The following IL12RB2 variants were observed in gnomAD, a reference collection of about 807,000 sequenced individuals.
The protein encoded by IL12RB2 is interleukin-12 receptor subunit beta-2.
A neutral mutation model predicts 89.4 loss-of-function variants in IL12RB2; 82 were observed. The ratio of observed to expected loss-of-function variants is 0.92; its 90% confidence interval spans 0.77 to 1.10. IL12RB2 has a LOEUF of 1.10. Among genes scored for constraint, IL12RB2 ranks in the 50% least tolerant of loss-of-function variants. IL12RB2 has a pLI of 0.00. For missense variants in IL12RB2, 963 were observed against 1,031.9 expected, an observed-to-expected ratio of 0.93 and a Z score of 0.92; for synonymous variants, 368 against 370.1, an observed-to-expected ratio of 0.99 and a Z score of 0.07.
intron 15 of IL12RB2, among the ~76,000 whole-genome samples, chr1:67,388,230 A>T (rs1570210641): frequency 1.3e-5 from 2 of 152,194 alleles, no homozygotes; most frequent in Admixed American, 6.5e-5. Context: ...AAACTGTGGT[A>T]CTTCAGCCAA....
intron 16 of IL12RB2, among the ~76,000 whole-genome samples, chr1:67,391,386 T>TACACAC (rs1491258426): frequency 7.5e-6 from 1 of 133,742 alleles, no homozygotes; most frequent in East Asian, 2.4e-4. Context: ...TGTGTGTGTC[T>TACACAC]ATACACACAC....
At chr1:67,395,501 G>A in intron 16 of IL12RB2, 46 bp from the exon 17 acceptor site, 1 of 1,613,940 alleles carries the variant, frequency 6.2e-7, no homozygotes, top group Non-Finnish European at 8.5e-7. Context: ...GGTTGTGAAG[G>A]TCACTTCTAC....
At chr1:67,345,278 C>A (rs187330443) in intron 9 of IL12RB2, among the ~76,000 whole-genome samples, 308 of 152,336 alleles carry the variant, frequency 2.0e-3, no homozygotes, top group African/African-American at 7.1e-3. Flanking sequence ...TACCCTCAAA[C>A]CACAGAAGAT....
intron 13 of IL12RB2, among the ~76,000 whole-genome samples, chr1:67,376,078 C>G (rs1177068425): frequency 6.6e-6 from 1 of 152,070 alleles, no homozygotes; most frequent in Non-Finnish European, 1.5e-5. Flanking sequence ...AATCTCCTGA[C>G]CTCGTGATCT....
chr1:67,366,472 A>G (rs1302457719), intron 10 of IL12RB2, among the ~76,000 whole-genome samples: 3 of 150,534 alleles, frequency 2.0e-5, no homozygotes, highest in Non-Finnish European at 4.4e-5. Context: ...AAAAAAAAAA[A>G]AAGAAGAGAA....
At chr1:67,321,048 G>A (rs749638711) in intron 3 of IL12RB2, among the ~76,000 whole-genome samples, 3 of 150,898 alleles carry the variant, frequency 2.0e-5, no homozygotes, top group Non-Finnish European at 2.9e-5. Flanking sequence ...CCTGCCTCCC[G>A]CCGTCCACAA....
At chr1:67,352,617 T>TA (rs1660968267) in intron 10 of IL12RB2, among the ~76,000 whole-genome samples, 1 of 152,172 alleles carries the variant, frequency 6.6e-6, no homozygotes, top group East Asian at 1.9e-4. Flanking sequence ...GTTCCCTTGC[T>TA]AAAAAAAGAT....
chr1:67,330,277 A>ATTTTTT (rs1558307815), intron 7 of IL12RB2, among the ~76,000 whole-genome samples: 54 of 139,532 alleles, frequency 3.9e-4, no homozygotes, highest in East Asian at 2.1e-3. Context: ...TTTTTTTAAA[A>ATTTTTT]AAAAAAAAAG....
At chr1:67,360,418 A>T (rs895392448) in intron 10 of IL12RB2, among the ~76,000 whole-genome samples, 1 of 149,462 alleles carries the variant, frequency 6.7e-6, no homozygotes. Flanking sequence ...AAAAAAAAGG[A>T]GATTGACCAG....
intron 14 of IL12RB2, among the ~76,000 whole-genome samples, chr1:67,386,208 C>CAAAAAAAA (rs755471388): frequency 5.5e-5 from 3 of 54,552 alleles, no homozygotes; most frequent in East Asian, 7.0e-4. Flanking sequence ...GACTCCATCT[C>CAAAAAAAA]AAAAAAAAAA....
chr1:67,314,523 A>G (rs1016669442), intron 2 of IL12RB2, among the ~76,000 whole-genome samples: 2 of 152,208 alleles, frequency 1.3e-5, no homozygotes, highest in African/African-American at 2.4e-5. Flanking sequence ...TCTCACAGTC[A>G]ATAGCATATA....
At chr1:67,378,474 G>A (rs1436927933) in intron 13 of IL12RB2, among the ~76,000 whole-genome samples, 2 of 152,144 alleles carry the variant, frequency 1.3e-5, no homozygotes, top group African/African-American at 4.8e-5. Flanking sequence ...AGTTTTTAAT[G>A]ATTTTATGTC....
At chr1:67,390,168 A>G (rs773699860) in intron 16 of IL12RB2, 40 bp downstream of exon 16, 1 of 877,616 alleles carries the variant, frequency 1.1e-6, no homozygotes, top group Non-Finnish European at 2.0e-6. Flanking sequence ...GTGGAGTTCT[A>G]GTGATCACCA....
chr1:67,331,792 T>C (rs1245970412), intron 8 of IL12RB2, among the ~76,000 whole-genome samples: 1 of 152,114 alleles, frequency 6.6e-6, no homozygotes, highest in African/African-American at 2.4e-5. Context: ...TGAGCCAAGA[T>C]TGTGCCACTG....
intron 9 of IL12RB2, among the ~76,000 whole-genome samples, chr1:67,341,547 G>GAA (rs57280455): frequency 8.3e-5 from 3 of 35,932 alleles, no homozygotes; most frequent in African/African-American, 1.3e-4. Flanking sequence ...AAGAAAGAAA[G>GAA]AAAGAAAGAA....
intron 16 of IL12RB2, among the ~76,000 whole-genome samples, chr1:67,394,395 A>G (rs1337503822): frequency 6.6e-6 from 1 of 152,188 alleles, no homozygotes; most frequent in Non-Finnish European, 1.5e-5. Flanking sequence ...ACTTGGACTC[A>G]GGAATTGGCA....
intron 9 of IL12RB2, among the ~76,000 whole-genome samples, chr1:67,342,306 T>C (rs1275340740): frequency 2.0e-5 from 3 of 152,142 alleles, no homozygotes; most frequent in Non-Finnish European, 4.4e-5. Context: ...GGAAATCTCA[T>C]GCCTTGGCAT....
intron 10 of IL12RB2, among the ~76,000 whole-genome samples, chr1:67,365,094 G>T (rs906904413): frequency 6.6e-6 from 1 of 152,016 alleles, no homozygotes; most frequent in African/African-American, 2.4e-5. Flanking sequence ...AAAATATTTT[G>T]AACTAATTGA....
At chr1:67,336,606 G>GA (rs906703325) in intron 8 of IL12RB2, among the ~76,000 whole-genome samples, 2 of 151,742 alleles carry the variant, frequency 1.3e-5, no homozygotes, top group Admixed American at 6.6e-5. Flanking sequence ...TGAATGTTTA[G>GA]AAAAAAACAA....
Sources: gnomAD v4.1 joint callset for allele counts (sites outside exome capture counted in the v4.1 genomes callset) on GRCh38, gnomAD v4.1.1 for gene constraint, MANE v1.5 for transcripts, NCBI Gene and HGNC (gene_info 2026-07-23, HGNC 2026-07-21) for gene names.